The following PHF24 variants were observed in gnomAD, a reference collection of about 807,000 sequenced individuals.
The protein encoded by PHF24 is PHD finger protein 24.
Under a neutral mutation model 42.6 loss-of-function variants are expected in PHF24, and 25 were observed. The observed-to-expected ratio is 0.59, with a 90% CI of 0.43 to 0.82. PHF24 has a LOEUF of 0.82. Among genes scored for constraint, PHF24 ranks in the 40% least tolerant of loss-of-function variants. The pLI is 0.00. For synonymous variants in PHF24, 185 were observed against 204.8 expected (o/e 0.90, Z 0.83); for missense variants, 470 against 538.1 (o/e 0.87, Z 1.25).
the PHF24 span, chr9:34,689,979 T>C: frequency 4.0e-5 from 65 of 1,614,014 alleles, no homozygotes; most frequent in Admixed American, 2.2e-4. The surrounding 1 kb of genome is among the most constrained non-coding windows in gnomAD (Gnocchi z 4.1). Flanking sequence ...TACCCAGGGC[T>C]GGTCTGGGGG....
the PHF24 span, among the ~76,000 whole-genome samples, chr9:34,743,090 C>A: frequency 6.6e-6 from 1 of 152,186 alleles, no homozygotes; most frequent in East Asian, 1.9e-4. Context: ...GTTTCAGTAA[C>A]AGTATATTCT....
chr9:34,708,147 G>C, the PHF24 span, among the ~76,000 whole-genome samples: 1 of 152,162 alleles, frequency 6.6e-6, no homozygotes, highest in African/African-American at 2.4e-5. Flanking sequence ...GGAATAGAAG[G>C]GTCTTCACTC....
intron 3 of PHF24, among the ~76,000 whole-genome samples, chr9:34,974,451 A>G (rs929625496): frequency 1.3e-5 from 2 of 152,188 alleles, no homozygotes; most frequent in African/African-American, 4.8e-5. Context: ...ATAGAAAGTC[A>G]ATAAAATCCC....
At chr9:34,693,130 T>G in the PHF24 span, among the ~76,000 whole-genome samples, 2 of 152,222 alleles carry the variant, frequency 1.3e-5, no homozygotes, top group Non-Finnish European at 2.9e-5. Context: ...TATCTGTTCA[T>G]TAATTCATCC....
At chr9:34,693,103 C>T in the PHF24 span, among the ~76,000 whole-genome samples, 86 of 152,294 alleles carry the variant, frequency 5.6e-4, 1 homozygote, top group Non-Finnish European at 1.1e-3. Flanking sequence ...GCCTGGCCTT[C>T]TATCCTTTTA....
chr9:34,859,474 G>A, the PHF24 span, among the ~76,000 whole-genome samples: 1 of 152,066 alleles, frequency 6.6e-6, no homozygotes, highest in Non-Finnish European at 1.5e-5. Flanking sequence ...TTTGAATATG[G>A]CTTTTTCTCT....
At chr9:34,851,015 G>A in the PHF24 span, among the ~76,000 whole-genome samples, 2 of 152,152 alleles carry the variant, frequency 1.3e-5, no homozygotes, top group South Asian at 4.1e-4. Flanking sequence ...CCTACTGGGG[G>A]GTGCCTCCCA....
the PHF24 span, among the ~76,000 whole-genome samples, chr9:34,810,962 A>G: frequency 6.6e-6 from 1 of 152,040 alleles, no homozygotes; most frequent in African/African-American, 2.4e-5. Flanking sequence ...CAGTAAGATC[A>G]AGTGGAATAA....
chr9:34,807,631 T>G, the PHF24 span, among the ~76,000 whole-genome samples: 996 of 152,296 alleles, frequency 6.5e-3, 8 homozygotes, highest in Middle Eastern at 0.038. Flanking sequence ...TGAGAGAGTC[T>G]TTAGAAGTCA....
At chr9:34,922,448 C>CT in the PHF24 span, 7 of 1,367,498 alleles carry the variant, frequency 5.1e-6, no homozygotes, top group Non-Finnish European at 7.3e-6. Flanking sequence ...GTTGCATTTC[C>CT]TTTTTGCTGA....
At chr9:34,668,690 GCTACATAC>G in the PHF24 span, among the ~76,000 whole-genome samples, 4 of 152,184 alleles carry the variant, frequency 2.6e-5, no homozygotes, top group African/African-American at 9.7e-5. Flanking sequence ...CAAAGAAAAA[GCTACATAC>G]CTCCCTCACA....
chr9:34,887,144 A>G, the PHF24 span, among the ~76,000 whole-genome samples: 1 of 152,092 alleles, frequency 6.6e-6, no homozygotes, highest in African/African-American at 2.4e-5. Flanking sequence ...AATTGTCCAC[A>G]TCCAATCTAT....
the PHF24 span, among the ~76,000 whole-genome samples, chr9:34,897,806 G>GT: frequency 7.9e-5 from 12 of 152,180 alleles, no homozygotes; most frequent in East Asian, 1.9e-4. Context: ...CCTATTTGTA[G>GT]TTTTTTATCC....
exon 2 of PHF24, chr9:34,971,423 G>A (rs1056502283): frequency 1.2e-6 from 2 of 1,614,176 alleles, no homozygotes; most frequent in Non-Finnish European, 1.7e-6. Context: ...GAGCTGCCAG[G>A]GTCCCGCCGT....
chr9:34,760,817 A>G, the PHF24 span, among the ~76,000 whole-genome samples: 3 of 152,070 alleles, frequency 2.0e-5, no homozygotes, highest in Non-Finnish European at 1.5e-5. Flanking sequence ...CATGGCGAAA[A>G]CTGGTCTTTA....
chr9:34,936,701 G>A, the PHF24 span, among the ~76,000 whole-genome samples: 1 of 150,344 alleles, frequency 6.7e-6, no homozygotes, highest in Non-Finnish European at 1.5e-5. Flanking sequence ...CTGAGATGTG[G>A]GGAGCGCCTC....
chr9:34,695,256 C>A, the PHF24 span, among the ~76,000 whole-genome samples: 1 of 152,178 alleles, frequency 6.6e-6, no homozygotes, highest in East Asian at 1.9e-4. Flanking sequence ...CCATTAAAAA[C>A]CCGAAAGGAC....
chr9:34,848,915 G>T, the PHF24 span, among the ~76,000 whole-genome samples: 1 of 152,132 alleles, frequency 6.6e-6, no homozygotes, highest in South Asian at 2.1e-4. Context: ...GCGGTTTTGA[G>T]TGAGTTTCTT....
chr9:34,767,006 C>T, the PHF24 span, among the ~76,000 whole-genome samples: 1 of 152,210 alleles, frequency 6.6e-6, no homozygotes. Flanking sequence ...GTGGTGGCTG[C>T]AGATCAGTGG....
Sources: allele counts gnomAD v4.1 joint callset (sites outside exome capture counted in the v4.1 genomes callset), GRCh38; gene constraint gnomAD v4.1.1; non-coding constraint Gnocchi (gnomAD v3.1); transcripts MANE v1.5; gene names NCBI Gene and HGNC (gene_info 2026-07-23, HGNC 2026-07-21).